Variants in FAM193A observed in about 807,000 individuals in gnomAD.
FAM193A encodes the protein family with sequence similarity 193 member A, also known as protein FAM193A.
A neutral mutation model predicts 126.5 loss-of-function variants in FAM193A; 22 were observed. The ratio of observed to expected loss-of-function variants is 0.17; its 90% CI spans 0.12 to 0.25. The LOEUF (loss-of-function observed/expected upper bound fraction) is 0.25, where lower values mean the gene tolerates loss of function less well. FAM193A is among the 10% of genes least tolerant of loss of function. The pLI is 1.00. For synonymous variants in FAM193A, 761 were observed against 646.8 expected (o/e 1.18, Z -2.68); for missense variants, 1,675 against 1,672.8 (o/e 1.00, Z -0.02).
At chr4:2,608,842 C>A (rs1177704452) in intron 2 of FAM193A, among the ~76,000 whole-genome samples, 2 of 151,586 alleles carry the variant, frequency 1.3e-5, no homozygotes, top group South Asian at 2.1e-4. Flanking sequence ...TTGGTTTCAG[C>A]TAATCATCGA....
chr4:2,661,019 TTAAACA>T (rs1167821429), intron 10 of FAM193A, among the ~76,000 whole-genome samples: 1 of 152,132 alleles, frequency 6.6e-6, no homozygotes, highest in Non-Finnish European at 1.5e-5. Flanking sequence ...AACATAAAAA[TTAAACA>T]TATATAGCCT....
rs1471607241 is a variant in FAM193A, at chr4:2,585,673, C to A, written c.256-10411C>A. Reference sequence around the variant, plus strand: ...GGGCATGGTGGTTCATGCCTGTAATCCTAGCCCTTTGGGGAGGCCAAAGTG... The same window carrying A: ...GGGCATGGTGGTTCATGCCTGTAATACTAGCCCTTTGGGGAGGCCAAAGTG... On this transcript the variant is annotated intron_variant, in intron 1 of 20. Coordinates refer to ENST00000637812, the MANE Select transcript of FAM193A (RefSeq NM_001366318.2). Among the ~76,000 whole-genome samples, 5 of 152,084 alleles carry A rather than the reference C, an allele frequency of 3.3e-5. No individual in the cohort carries two copies. The South Asian group carries it at 6.2e-4, about 19-fold the overall frequency.
intron 1 of FAM193A, among the ~76,000 whole-genome samples, chr4:2,557,684 G>A (rs1738341458): frequency 6.6e-6 from 1 of 152,144 alleles, no homozygotes; most frequent in Non-Finnish European, 1.5e-5. Flanking sequence ...TGGGCACGGT[G>A]GCTCACGCCT....
At chr4:2,542,935 A>G (rs921279345) in intron 1 of FAM193A, among the ~76,000 whole-genome samples, 1 of 152,106 alleles carries the variant, frequency 6.6e-6, no homozygotes, top group Admixed American at 6.6e-5. Context: ...AGCTTCAACA[A>G]AGGAGGAGGA....
chr4:2,570,714 T>G (rs1739241054), intron 1 of FAM193A, among the ~76,000 whole-genome samples: 1 of 152,144 alleles, frequency 6.6e-6, no homozygotes, highest in Admixed American at 6.5e-5. Flanking sequence ...GGGGGACCAG[T>G]TACCCCATGG....
At chr4:2,641,795 A>G (rs1744651616) in intron 6 of FAM193A, among the ~76,000 whole-genome samples, 1 of 152,116 alleles carries the variant, frequency 6.6e-6, no homozygotes, top group Non-Finnish European at 1.5e-5. Flanking sequence ...AATTAGGTAA[A>G]AGAGAATTGA....
intron 2 of FAM193A, among the ~76,000 whole-genome samples, chr4:2,624,864 ATG>A (rs1200775200): frequency 1.3e-5 from 2 of 151,986 alleles, no homozygotes; most frequent in African/African-American, 4.8e-5. Context: ...TTTTGTATGT[ATG>A]TGTGTGTCTG....
intron 12 of FAM193A, among the ~76,000 whole-genome samples, chr4:2,666,988 T>C (rs555346337): frequency 2.0e-5 from 3 of 152,346 alleles, no homozygotes; most frequent in African/African-American, 4.8e-5. Flanking sequence ...TTCTTTGGGT[T>C]TTGCTTGCTC....
chr4:2,536,380 C>T (rs1736871829), upstream of FAM193A, among the ~76,000 whole-genome samples: 1 of 151,902 alleles, frequency 6.6e-6, no homozygotes, highest in African/African-American at 2.4e-5. Flanking sequence ...GGCCCCAGCT[C>T]CTCCCAGCGC....
At chr4:2,586,826 A>T (rs1740266680) in intron 1 of FAM193A, among the ~76,000 whole-genome samples, 1 of 151,800 alleles carries the variant, frequency 6.6e-6, no homozygotes, top group South Asian at 2.1e-4. Flanking sequence ...GCTTATTTTT[A>T]AATTTTTTGT....
chr4:2,544,606 A>G (rs28435878), intron 1 of FAM193A, among the ~76,000 whole-genome samples: 3,499 of 152,206 alleles, frequency 0.023, 63 homozygotes, highest in Non-Finnish European at 0.036. Context: ...CGGGAGGCTG[A>G]GGCAGGAGAA....
At chr4:2,585,511 G>A (rs1740183924) in intron 1 of FAM193A, among the ~76,000 whole-genome samples, 1 of 152,290 alleles carries the variant, frequency 6.6e-6, no homozygotes, top group East Asian at 1.9e-4. Context: ...CTGTTGTGAA[G>A]AACCCGTTCA....
chr4:2,669,098 C>T (rs2109146825), intron 12 of FAM193A, among the ~76,000 whole-genome samples: 1 of 152,272 alleles, frequency 6.6e-6, no homozygotes, highest in East Asian at 1.9e-4. Context: ...CCGCCTTGGC[C>T]TCCCAAAGTG....
In FAM193A at chr4:2,659,638, G is replaced by A. The variant is rs1438618618; in HGVS notation, c.1470G>A (p.Met490Ile). Residue 490 changes from methionine (M) to isoleucine (I), a missense_variant, in exon 9 of 21, where the codon ATG (methionine) becomes ATA (isoleucine). Physicochemically the swap from Met to Ile is conservative, Grantham distance 10. Transcript: ENST00000637812. ...MRHMLSSRLSMPDCPNCNYRR... is the reference protein window; with the variant it reads ...MRHMLSSRLSIPDCPNCNYRR... ...ACATGTTATCGTCCCGGCTGAGCATGCCCGACTGCCCCAACTGCAACTACA... is the reference window on the plus strand; with the variant it reads ...ACATGTTATCGTCCCGGCTGAGCATACCCGACTGCCCCAACTGCAACTACA... 6.2e-7 allele frequency: 1 copy of A among 1,614,142 alleles called. No individual in the cohort carries two copies. Among genetic ancestry groups the A allele is most frequent in the South Asian group, 1.1e-5 (1 of 91,078 alleles).
chr4:2,668,732 A>G (rs78628576), intron 12 of FAM193A, among the ~76,000 whole-genome samples: 10,616 of 152,160 alleles, frequency 0.07, 653 homozygotes, highest in African/African-American at 0.16. Flanking sequence ...AAAAGAGAAA[A>G]ATGTATTTAT....
At chr4:2,538,766 C>A (rs1737045852) in intron 1 of FAM193A, among the ~76,000 whole-genome samples, 1 of 152,034 alleles carries the variant, frequency 6.6e-6, no homozygotes, top group Non-Finnish European at 1.5e-5. Context: ...ATATTCATTT[C>A]TATTGATTCA....
chr4:2,550,572 G>A (rs1308845816), intron 1 of FAM193A, among the ~76,000 whole-genome samples: 2 of 148,978 alleles, frequency 1.3e-5, no homozygotes, highest in Non-Finnish European at 3.0e-5. Flanking sequence ...GAGTAGCTGG[G>A]ATTACAGGCA....
At chr4:2,698,861 C>T (rs996962770) in intron 18 of FAM193A, among the ~76,000 whole-genome samples, 3 of 152,192 alleles carry the variant, frequency 2.0e-5, no homozygotes, top group African/African-American at 7.2e-5. Context: ...TGCTCTGTCA[C>T]ATCTGTCACA....
rs749398872 is a variant in FAM193A, at chr4:2,694,955, C to T, written c.3102C>T (p.Asp1034=). 17 of 1,598,716 alleles carry T rather than the reference C, an allele frequency of 1.1e-5. No individual in the cohort carries two copies. The highest frequency in any genetic ancestry group is 3.5e-5 in the Admixed American group (2 of 57,010). Residue 1034 remains aspartate (D), a synonymous_variant, in exon 17 of 21, where the codon GAC becomes GAT. Coordinates refer to ENST00000637812, the MANE Select transcript of FAM193A (RefSeq NM_001366318.2). ...GTATGCGGTTTTGCAGTGACCCTGA[C>T]TGCGAAGGGCACCGCTGCGAGAATG... ...SAPPSVCSDP[D]CEGHRCENGV...
Sources: gnomAD v4.1 joint callset for allele counts (sites outside exome capture counted in the v4.1 genomes callset) on GRCh38, gnomAD v4.1.1 for gene constraint, MANE v1.5 for transcripts, NCBI Gene and HGNC (gene_info 2026-07-23, HGNC 2026-07-21) for gene names.